NDST3: variants seen among roughly 807,000 people sequenced by gnomAD.
NDST3 encodes N-deacetylase and N-sulfotransferase 3.
NDST3 carries 58 observed loss-of-function variants against 96.1 expected under a neutral mutation model. The observed-to-expected ratio is 0.60, with a 90% confidence interval of 0.49 to 0.75. The LOEUF (loss-of-function observed/expected upper bound fraction) is 0.75, where lower values mean the gene tolerates loss of function less well. Among genes scored for constraint, NDST3 ranks in the 30% least tolerant of loss-of-function variants. The pLI is 0.00. For synonymous variants in NDST3, 333 were observed against 359.7 expected (o/e 0.93, Z 0.84); for missense variants, 788 against 1,034.2 (o/e 0.76, Z 3.27).
Position 118,040,865 on chromosome 4 carries a change from TTTTATATATATATATATTTATATATA to T in NDST3, c.-156+6275_-156+6300del, listed in dbSNP as rs1230368255. ...CTAATTTATATATATATTTATATATTTTTATATATATATATATTTATATATATATATATTTATATATATATAAAATT... is the reference window on the plus strand; with the variant it reads ...CTAATTTATATATATATTTATATATTTATATATTTATATATATATAAAATT... On this transcript the variant is annotated intron_variant, in intron 1 of 13. Transcript: ENST00000296499. Among the ~76,000 whole-genome samples, 22 of 28,716 alleles carry T rather than the reference TTTTATATATATATATATTTATATATA, an allele frequency of 7.7e-4. 1 individual carries two copies. Among genetic ancestry groups the T allele is most frequent in the Non-Finnish European group, 4.9e-4 (2 of 4,086 alleles). 18.8% of individuals were successfully genotyped at this position (28,716 alleles called of 152,430 possible).
At chr4:118,065,860 C>A (rs1726273884) in intron 2 of NDST3, among the ~76,000 whole-genome samples, 1 of 150,492 alleles carries the variant, frequency 6.6e-6, no homozygotes, top group African/African-American at 2.4e-5. Context: ...GTACCTTTTT[C>A]CCCCCTTCAT....
At chr4:118,190,515 T>C (rs1042105357) in intron 6 of NDST3, among the ~76,000 whole-genome samples, 2 of 152,156 alleles carry the variant, frequency 1.3e-5, no homozygotes, top group Non-Finnish European at 2.9e-5. Flanking sequence ...TCCCCAGTCA[T>C]CTTGGGTCCC....
At chr4:118,051,906 A>G (rs2110442704) in intron 1 of NDST3, among the ~76,000 whole-genome samples, 1 of 152,248 alleles carries the variant, frequency 6.6e-6, no homozygotes, top group East Asian at 1.9e-4. Flanking sequence ...GAGGCTGCAT[A>G]GAAAAGGGAA....
chr4:118,090,853 A>T (rs1448836446), intron 2 of NDST3, among the ~76,000 whole-genome samples: 1 of 151,932 alleles, frequency 6.6e-6, no homozygotes, highest in African/African-American at 2.4e-5. Flanking sequence ...AACATAGAAG[A>T]GTTTTATGAA....
At position 118,072,317 on chromosome 4, in the gene NDST3, G is replaced by A. The variant is rs568921357; in HGVS notation, c.981+17426G>A. The stretch of plus-strand genomic sequence containing the variant: ...AGCACTGAATCTGTAAATTGCTTTG[G>A]GCAATATGGCAATTTTAACAATATT... On this transcript the variant is annotated intron_variant, in intron 2 of 13. Transcript: ENST00000296499. Among the ~76,000 whole-genome samples, 10 of 152,074 alleles carry A rather than the reference G, an allele frequency of 6.6e-5. No homozygotes were observed. In the South Asian group the frequency reaches 1.7e-3, roughly 25 times the overall value.
chr4:118,198,539 A>G (rs1737849579), intron 6 of NDST3, among the ~76,000 whole-genome samples: 1 of 152,100 alleles, frequency 6.6e-6, no homozygotes, highest in East Asian at 1.9e-4. Context: ...TGTAGTTACT[A>G]TGTTTGATTG....
intron 6 of NDST3, among the ~76,000 whole-genome samples, chr4:118,152,156 T>C (rs1734441042): frequency 6.6e-6 from 1 of 152,178 alleles, no homozygotes; most frequent in South Asian, 2.1e-4. Flanking sequence ...GTAAGAAAAT[T>C]CTCAAATCAA....
intron 2 of NDST3, among the ~76,000 whole-genome samples, chr4:118,094,827 A>C (rs1320112900): frequency 6.6e-6 from 1 of 151,880 alleles, no homozygotes; most frequent in Non-Finnish European, 1.5e-5. Flanking sequence ...ATGGCTATAA[A>C]TAAAGGTACA....
chr4:118,235,045 A>AAGGAAGGAAGGAAGGAAAG (rs370213859), intron 9 of NDST3, among the ~76,000 whole-genome samples: 5,418 of 16,734 alleles, frequency 0.32, 178 homozygotes, highest in South Asian at 0.45. Context: ...AAAGAAAAAA[A>AAGGAAGGAAGGAAGGAAAG]AAGGAAGGAA....
chr4:118,192,873 A>G (rs1737403213), intron 6 of NDST3, among the ~76,000 whole-genome samples: 1 of 152,128 alleles, frequency 6.6e-6, no homozygotes, highest in African/African-American at 2.4e-5. Context: ...AACGGGGGAC[A>G]GGGGGTGGTC....
chr4:118,117,655 G>A (rs183002513), intron 4 of NDST3, among the ~76,000 whole-genome samples: 1 of 152,160 alleles, frequency 6.6e-6, no homozygotes, highest in Non-Finnish European at 1.5e-5. Context: ...TCCCATTATA[G>A]ATGAAGCAAC....
At position 118,054,516 on chromosome 4, in the gene NDST3, T is replaced by G. The variant is rs1725283782; in HGVS notation, c.606T>G (p.Ile202Met). The G allele has an allele frequency of 1.9e-6, 3 of 1,613,196 alleles. No homozygotes were observed. The highest frequency in any genetic ancestry group is 1.7e-6 in the Non-Finnish European group (2 of 1,179,478). The change falls in exon 2 of 14, where the codon ATT becomes ATG. Residue 202 changes from isoleucine (I) to methionine (M), a missense_variant. This residue lies in a region of NDST3 where 234 missense variants were observed against 256.9 expected (regional missense o/e 0.91). Transcript: ENST00000296499. The part of the protein sequence containing the change: ...DCCINPHSPL[I>M]RVTKSSKLEK... ...GTATTAATCCTCATTCTCCATTGATTCGTGTGACCAAATCTTCCAAGCTTG... is the reference window on the plus strand; with the variant it reads ...GTATTAATCCTCATTCTCCATTGATGCGTGTGACCAAATCTTCCAAGCTTG...
At chr4:118,229,708 T>C (rs770784485) in intron 8 of NDST3, among the ~76,000 whole-genome samples, 2 of 152,210 alleles carry the variant, frequency 1.3e-5, no homozygotes, top group Non-Finnish European at 2.9e-5. Context: ...ATGTTTTCAG[T>C]TGATCTAAGA....
At chr4:118,175,187 C>G (rs1240609418) in intron 6 of NDST3, among the ~76,000 whole-genome samples, 1 of 151,996 alleles carries the variant, frequency 6.6e-6, no homozygotes, top group African/African-American at 2.4e-5. Flanking sequence ...GAGATTTTTT[C>G]CAACAGAATC....
chr4:118,201,145 G>A (rs193162336), intron 6 of NDST3, among the ~76,000 whole-genome samples: 126 of 151,912 alleles, frequency 8.3e-4, no homozygotes, highest in African/African-American at 2.6e-3. Context: ...GTACTATTCC[G>A]TGGTGTGTAT....
At chr4:118,142,336 T>A (rs1184410642) in intron 5 of NDST3, among the ~76,000 whole-genome samples, 1 of 151,974 alleles carries the variant, frequency 6.6e-6, no homozygotes, top group South Asian at 2.1e-4. Flanking sequence ...CTGATTGAGC[T>A]GTCTGTCCAA....
At chr4:118,075,518 T>C (rs1451257557) in intron 2 of NDST3, among the ~76,000 whole-genome samples, 1 of 151,532 alleles carries the variant, frequency 6.6e-6, no homozygotes, top group Non-Finnish European at 1.5e-5. Context: ...CCACCAACAG[T>C]GTAAAAGTGT....
intron 6 of NDST3, among the ~76,000 whole-genome samples, chr4:118,191,248 C>A (rs1431912682): frequency 6.6e-6 from 1 of 152,092 alleles, no homozygotes; most frequent in African/African-American, 2.4e-5. Flanking sequence ...GATAAGACGG[C>A]CAGAAAAGCA....
chr4:118,230,524 G>T (rs1170057232), intron 8 of NDST3, among the ~76,000 whole-genome samples: 1 of 151,676 alleles, frequency 6.6e-6, no homozygotes, highest in East Asian at 1.9e-4. Flanking sequence ...GCAGTGAGCC[G>T]AGATCACGCC....
Sources: gnomAD v4.1 joint callset for allele counts (sites outside exome capture counted in the v4.1 genomes callset) on GRCh38, gnomAD v4.1.1 for gene constraint, gnomAD v4.1.1 regional missense constraint, MANE v1.5 for transcripts, NCBI Gene and HGNC (gene_info 2026-07-23, HGNC 2026-07-21) for gene names.